KCNH7: variants seen among roughly 807,000 people sequenced by gnomAD.
KCNH7 encodes voltage-gated inwardly rectifying potassium channel KCNH7.
Under a neutral mutation model 120.8 loss-of-function variants are expected in KCNH7, and 49 were observed. That is an observed-to-expected ratio of 0.41 (90% confidence interval 0.32 to 0.51). The LOEUF (loss-of-function observed/expected upper bound fraction) is 0.51, where lower values mean the gene tolerates loss of function less well. Among genes scored for constraint, KCNH7 ranks in the 20% least tolerant of loss-of-function variants. KCNH7 has a pLI of 0.38. For synonymous variants in KCNH7, 547 were observed against 516.1 expected (o/e 1.06, Z -0.81); for missense variants, 1,097 against 1,446.6 (o/e 0.76, Z 3.92).
intron 2 of KCNH7, among the ~76,000 whole-genome samples, chr2:162,631,607 A>G (rs905791065): frequency 6.6e-6 from 1 of 152,114 alleles, no homozygotes; most frequent in East Asian, 1.9e-4. Flanking sequence ...ATCATAGAAT[A>G]ATGTAAGTTT....
intron 2 of KCNH7, among the ~76,000 whole-genome samples, chr2:162,763,985 T>A (rs1336703947): frequency 6.6e-6 from 1 of 151,890 alleles, no homozygotes; most frequent in South Asian, 2.1e-4. Flanking sequence ...TTTGTGAGGG[T>A]TTTTTTTCCT....
At chr2:162,518,513 T>C (rs564003015) in intron 3 of KCNH7, among the ~76,000 whole-genome samples, 1 of 151,952 alleles carries the variant, frequency 6.6e-6, no homozygotes, top group South Asian at 2.1e-4. Context: ...TAAGAATATA[T>C]GATCTAAGGC....
chr2:162,536,899 T>C, intron 3 of KCNH7, 26 bp downstream of exon 3: 1 of 1,595,294 alleles, frequency 6.3e-7, no homozygotes, highest in Non-Finnish European at 8.6e-7. Context: ...ATCAAGAGCA[T>C]TGAGTACACA....
At chr2:162,492,063 G>A (rs560845110) in intron 6 of KCNH7, among the ~76,000 whole-genome samples, 5 of 152,268 alleles carry the variant, frequency 3.3e-5, no homozygotes, top group South Asian at 2.1e-4. Context: ...GACATGCCCC[G>A]AAAAGGGCAA....
intron 2 of KCNH7, among the ~76,000 whole-genome samples, chr2:162,737,898 C>G (rs759233225): frequency 4.6e-5 from 7 of 151,814 alleles, no homozygotes; most frequent in Non-Finnish European, 1.0e-4. Flanking sequence ...AATCCCATCT[C>G]TACTAAAAAT....
intron 2 of KCNH7, among the ~76,000 whole-genome samples, chr2:162,714,258 G>C (rs71424745): frequency 0.023 from 3,427 of 152,220 alleles, 72 homozygotes; most frequent in East Asian, 0.12. Context: ...GCTTCCAGGA[G>C]TGGACTTTTT....
intron 3 of KCNH7, among the ~76,000 whole-genome samples, chr2:162,532,542 C>A (rs1379003564): frequency 6.6e-6 from 1 of 151,848 alleles, no homozygotes; most frequent in Non-Finnish European, 1.5e-5. Flanking sequence ...GAATATGGAC[C>A]AAATACTATG....
chr2:162,585,402 C>G (rs376839788), intron 2 of KCNH7, among the ~76,000 whole-genome samples: 18 of 152,152 alleles, frequency 1.2e-4, no homozygotes, highest in East Asian at 1.2e-3. Flanking sequence ...CAGAAAGCAA[C>G]AGTTGAATAC....
At chr2:162,787,682 G>A (rs1421687667) in intron 2 of KCNH7, among the ~76,000 whole-genome samples, 2 of 152,138 alleles carry the variant, frequency 1.3e-5, no homozygotes, top group Non-Finnish European at 2.9e-5. Flanking sequence ...GACCAGCCCG[G>A]CCCCCACTGA....
chr2:162,488,283 C>A (rs1295535394), intron 6 of KCNH7, among the ~76,000 whole-genome samples: 1 of 152,196 alleles, frequency 6.6e-6, no homozygotes, highest in Non-Finnish European at 1.5e-5. Context: ...TTACTTCAAG[C>A]AGCTACTTTC....
At chr2:162,476,950 A>T (rs1457961661) in intron 6 of KCNH7, among the ~76,000 whole-genome samples, 1 of 152,220 alleles carries the variant, frequency 6.6e-6, no homozygotes, top group Admixed American at 6.5e-5. Flanking sequence ...CAGGAGCAGA[A>T]GTTGTAGCCT....
intron 2 of KCNH7, among the ~76,000 whole-genome samples, chr2:162,746,025 G>A (rs1688303588): frequency 6.6e-6 from 1 of 151,896 alleles, no homozygotes; most frequent in Admixed American, 6.6e-5. Context: ...TTTGCAAAAT[G>A]AAACTAATAA....
At chr2:162,708,421 G>C (rs569961384) in intron 2 of KCNH7, among the ~76,000 whole-genome samples, 1 of 152,004 alleles carries the variant, frequency 6.6e-6, no homozygotes, top group East Asian at 1.9e-4. Flanking sequence ...TCAAAGTCCC[G>C]AAAGTATTGA....
At chr2:162,408,140 T>G (rs1379589577) in intron 9 of KCNH7, among the ~76,000 whole-genome samples, 1 of 152,040 alleles carries the variant, frequency 6.6e-6, no homozygotes, top group East Asian at 1.9e-4. Flanking sequence ...TTGCTGTCCA[T>G]CAAATTGGCT....
At chr2:162,616,381 A>G (rs886487345) in intron 2 of KCNH7, among the ~76,000 whole-genome samples, 11 of 152,208 alleles carry the variant, frequency 7.2e-5, no homozygotes, top group African/African-American at 2.7e-4. Flanking sequence ...AAATCACACG[A>G]TTAATGTGCC....
At chr2:162,736,883 T>G (rs897238316) in intron 2 of KCNH7, among the ~76,000 whole-genome samples, 1 of 151,650 alleles carries the variant, frequency 6.6e-6, no homozygotes, top group Non-Finnish European at 1.5e-5. Flanking sequence ...AAAAAATAAC[T>G]TTTTTTTTCC....
intron 7 of KCNH7, among the ~76,000 whole-genome samples, chr2:162,445,113 T>G (rs188031362): frequency 9.8e-5 from 15 of 152,286 alleles, no homozygotes. Flanking sequence ...TAAAATCTTT[T>G]GGTTCCCCTT....
At chr2:162,496,510 G>A (rs115733281) in intron 6 of KCNH7, among the ~76,000 whole-genome samples, 1 of 152,060 alleles carries the variant, frequency 6.6e-6, no homozygotes, top group African/African-American at 2.4e-5. Context: ...GAGAAGGGGG[G>A]AAACTGGGAA....
At chr2:162,827,197 T>G (rs1685315863) in intron 2 of KCNH7, among the ~76,000 whole-genome samples, 2 of 152,116 alleles carry the variant, frequency 1.3e-5, no homozygotes, top group Non-Finnish European at 2.9e-5. Context: ...GCTTTCCCTT[T>G]AAAATACTAG....
Sources: gnomAD v4.1 joint callset for allele counts (sites outside exome capture counted in the v4.1 genomes callset) on GRCh38, gnomAD v4.1.1 for gene constraint, MANE v1.5 for transcripts, NCBI Gene and HGNC (gene_info 2026-07-23, HGNC 2026-07-21) for gene names.